The following CNTN5 variants were observed in gnomAD, a reference collection of about 807,000 sequenced individuals.
CNTN5 encodes the protein contactin 5.
A neutral mutation model predicts 129.1 loss-of-function variants in CNTN5; 77 were observed. The observed-to-expected ratio is 0.60, with a 90% confidence interval of 0.50 to 0.72. The LOEUF is 0.72. CNTN5 is among the 30% of genes least tolerant of loss of function. The probability of loss-of-function intolerance (pLI) is 0.00; values close to 1 mark genes in which losing one functional copy is unlikely to be tolerated. For synonymous variants in CNTN5, 509 were observed against 465.6 expected, an observed-to-expected ratio of 1.09 and a Z score of -1.20; for missense variants, 1,478 against 1,328.8, an observed-to-expected ratio of 1.11 and a Z score of -1.75.
chr11:100,350,331 C>T (rs1327164000), intron 23 of CNTN5, among the ~76,000 whole-genome samples: 2 of 151,688 alleles, frequency 1.3e-5, no homozygotes, highest in Non-Finnish European at 3.0e-5. Context: ...CATATATCCC[C>T]TCTCCATTCC....
At chr11:99,242,846 T>C (rs1313858960) in intron 1 of CNTN5, among the ~76,000 whole-genome samples, 2 of 152,198 alleles carry the variant, frequency 1.3e-5, no homozygotes, top group African/African-American at 2.4e-5. Context: ...TAGTATTCCA[T>C]GGTGTATATG....
At chr11:99,547,799 C>T (rs986908510) in intron 2 of CNTN5, among the ~76,000 whole-genome samples, 1 of 152,138 alleles carries the variant, frequency 6.6e-6, no homozygotes, top group African/African-American at 2.4e-5. Flanking sequence ...AAGACAATCA[C>T]CACATTTTTG....
At chr11:99,984,405 G>A (rs541954164) in intron 8 of CNTN5, among the ~76,000 whole-genome samples, 2 of 152,222 alleles carry the variant, frequency 1.3e-5, no homozygotes, top group East Asian at 3.9e-4. Flanking sequence ...AAAAGAAAGA[G>A]AAACCACGAT....
intron 3 of CNTN5, among the ~76,000 whole-genome samples, chr11:99,719,857 A>T (rs1943107957): frequency 6.6e-6 from 1 of 152,130 alleles, no homozygotes; most frequent in Non-Finnish European, 1.5e-5. Flanking sequence ...GTTATTACTG[A>T]CCCTACAGAA....
At chr11:99,418,571 T>C (rs1418847604) in intron 2 of CNTN5, among the ~76,000 whole-genome samples, 1 of 152,186 alleles carries the variant, frequency 6.6e-6, no homozygotes, top group East Asian at 1.9e-4. Context: ...TACTTTTCTT[T>C]TTGGAAGTTT....
chr11:100,120,382 T>C (rs1591278650), intron 13 of CNTN5, among the ~76,000 whole-genome samples: 1 of 152,074 alleles, frequency 6.6e-6, no homozygotes, highest in South Asian at 2.1e-4. Flanking sequence ...ATAGTCTACT[T>C]AGTGACTCTT....
chr11:99,432,401 T>C (rs1224300158), intron 2 of CNTN5, among the ~76,000 whole-genome samples: 2 of 151,914 alleles, frequency 1.3e-5, no homozygotes, highest in African/African-American at 4.8e-5. Context: ...TTAACCAGAG[T>C]TGGGGCTCTG....
chr11:99,336,559 G>T (rs933047706), intron 2 of CNTN5, among the ~76,000 whole-genome samples: 1 of 151,946 alleles, frequency 6.6e-6, no homozygotes, highest in African/African-American at 2.4e-5. Context: ...TAAGAAATAG[G>T]CCTGGTGCAG....
chr11:99,645,632 G>C (rs552934663), intron 3 of CNTN5, among the ~76,000 whole-genome samples: 1 of 152,264 alleles, frequency 6.6e-6, no homozygotes, highest in Admixed American at 6.5e-5. Context: ...AAAAGGATGA[G>C]TTCATGTCCT....
chr11:99,902,848 A>G (rs1466516918), intron 6 of CNTN5, among the ~76,000 whole-genome samples: 1 of 152,152 alleles, frequency 6.6e-6, no homozygotes, highest in African/African-American at 2.4e-5. Flanking sequence ...TGAAATAATT[A>G]AAAGATAGGA....
At position 99,889,940 on chromosome 11, in the gene CNTN5, A is replaced by G. The variant is rs180993639; in HGVS notation, c.578-26114A>G. On this transcript the variant is annotated intron_variant, in intron 6 of 24. Coordinates refer to ENST00000524871, the MANE Select transcript of CNTN5 (RefSeq NM_014361.4). The stretch of plus-strand genomic sequence containing the variant: ...TATTTTTAAAAATTATATTCTACAT[A>G]CTGATTTATTTTATCTTCACCTCGA... Among the ~76,000 whole-genome samples, 318 of 152,292 alleles carry G rather than the reference A, an allele frequency of 2.1e-3. 1 individual carries two copies. The highest frequency in any genetic ancestry group is 4.4e-3 in the Admixed American group (68 of 15,296).
At chr11:100,036,357 T>A (rs1226703624) in intron 9 of CNTN5, among the ~76,000 whole-genome samples, 1 of 151,986 alleles carries the variant, frequency 6.6e-6, no homozygotes, top group Non-Finnish European at 1.5e-5. Context: ...ACCAGGCTAT[T>A]TTGGTTACTG....
At chr11:99,340,609 G>C (rs1441483733) in intron 2 of CNTN5, among the ~76,000 whole-genome samples, 1 of 152,168 alleles carries the variant, frequency 6.6e-6, no homozygotes, top group Non-Finnish European at 1.5e-5. Context: ...ACTGTTACTT[G>C]CTAAGAGCTT....
At chr11:99,956,023 T>C (rs1045014142) in intron 7 of CNTN5, among the ~76,000 whole-genome samples, 4 of 152,276 alleles carry the variant, frequency 2.6e-5, no homozygotes, top group African/African-American at 9.6e-5. Context: ...TTTTCTTATA[T>C]TTAAATGGTG....
intron 3 of CNTN5, among the ~76,000 whole-genome samples, chr11:99,731,204 T>C (rs1591053017): frequency 1.3e-5 from 2 of 151,786 alleles, no homozygotes; most frequent in South Asian, 4.2e-4. Flanking sequence ...CGCTTCCGGG[T>C]TCACGCCATT....
chr11:100,035,372 G>C (rs1444052923), intron 9 of CNTN5, among the ~76,000 whole-genome samples: 1 of 144,850 alleles, frequency 6.9e-6, no homozygotes, highest in Non-Finnish European at 1.5e-5. Flanking sequence ...GTCTATCATT[G>C]TTGGACATTT....
At position 99,847,253 on chromosome 11, in the gene CNTN5, A is replaced by G. The variant is rs928886507; in HGVS notation, c.577+1991A>G. ...AAAGCTATTTATTTTACATATCCAT[A>G]TGACTGTCCTAGGTTTTCTGGAAAG... On this transcript the variant is annotated intron_variant, in intron 6 of 24. Coordinates refer to ENST00000524871, the MANE Select transcript of CNTN5 (RefSeq NM_014361.4). 3.3e-5 allele frequency among the ~76,000 whole-genome samples: 5 copies of G among 152,308 alleles called. No individual in the cohort carries two copies. In the East Asian group the frequency reaches 7.7e-4, roughly 24 times the overall value.
chr11:99,996,200 T>C (rs981327285), intron 8 of CNTN5, among the ~76,000 whole-genome samples: 2 of 152,146 alleles, frequency 1.3e-5, no homozygotes, highest in Non-Finnish European at 2.9e-5. Flanking sequence ...TTAATTGGTT[T>C]TTCCCATCTA....
intron 15 of CNTN5, among the ~76,000 whole-genome samples, chr11:100,209,905 C>G (rs1204607552): frequency 6.6e-6 from 1 of 152,138 alleles, no homozygotes; most frequent in Admixed American, 6.5e-5. Context: ...TGTGTTATCA[C>G]TGACTTTGCT....
Sources: gnomAD v4.1 joint callset for allele counts (sites outside exome capture counted in the v4.1 genomes callset) on GRCh38, gnomAD v4.1.1 for gene constraint, MANE v1.5 for transcripts, NCBI Gene and HGNC (gene_info 2026-07-23, HGNC 2026-07-21) for gene names.